TXNL4A: variants seen among roughly 807,000 people sequenced by gnomAD.
The protein encoded by TXNL4A is thioredoxin-like protein 4A.
TXNL4A carries 17 observed loss-of-function variants against 14.6 expected under a neutral mutation model. That is an observed-to-expected ratio of 1.16 (90% CI 0.80 to 1.74). TXNL4A has a LOEUF of 1.74. Among genes scored for constraint, TXNL4A ranks in the 40% most tolerant of loss-of-function variants. TXNL4A has a pLI of 0.00. For synonymous variants in TXNL4A, 83 were observed against 70.6 expected (o/e 1.18, Z -0.88); for missense variants, 74 against 195.2 (o/e 0.38, Z 3.70).
chr18:80,012,900 G>A (rs992108970), intron 1 of TXNL4A, among the ~76,000 whole-genome samples: 5 of 151,396 alleles, frequency 3.3e-5, no homozygotes, highest in Non-Finnish European at 7.4e-5. Context: ...GGGTGAGGCC[G>A]GAAAGGCGGC....
At chr18:80,032,122 A>G (rs1669970267) in intron 1 of TXNL4A, among the ~76,000 whole-genome samples, 1 of 151,954 alleles carries the variant, frequency 6.6e-6, no homozygotes, top group South Asian at 2.1e-4. Context: ...GTCCCTATAC[A>G]TTTTTCTTTT....
chr18:80,015,558 G>A (rs1165969946), intron 1 of TXNL4A, among the ~76,000 whole-genome samples: 3 of 148,968 alleles, frequency 2.0e-5, no homozygotes, highest in Non-Finnish European at 4.4e-5. Context: ...TCCCCTTCCT[G>A]TGTCCATGTG....
intron 1 of TXNL4A, among the ~76,000 whole-genome samples, chr18:80,027,303 A>G (rs953162840): frequency 1.3e-5 from 2 of 152,170 alleles, no homozygotes; most frequent in African/African-American, 4.8e-5. Flanking sequence ...CAACAGCCCC[A>G]TATTCCCTGT....
At chr18:79,977,769 T>C in intron 1 of TXNL4A, 68 bp from the exon 2 acceptor site, 1 of 1,086,576 alleles carries the variant, frequency 9.2e-7, no homozygotes, top group Non-Finnish European at 1.4e-6. Context: ...TAGAAGCACA[T>C]TTATAAAAAC....
At chr18:80,006,759 C>T (rs1225211628) in intron 1 of TXNL4A, among the ~76,000 whole-genome samples, 1 of 152,000 alleles carries the variant, frequency 6.6e-6, no homozygotes, top group East Asian at 1.9e-4. Context: ...AGAGGATTTC[C>T]CCCTTTGCAA....
In TXNL4A at chr18:80,020,864, T is replaced by A. The variant is rs1054295358; in HGVS notation, c.-61+12987A>T. 5.3e-5 allele frequency among the ~76,000 whole-genome samples: 8 copies of A among 150,208 alleles called. No homozygotes were observed. In the East Asian group the frequency reaches 1.2e-3, roughly 22 times the overall value. On this transcript the variant is annotated intron_variant, in intron 1 of 2. Coordinates refer to the TXNL4A transcript ENST00000585474. Reference sequence around the variant, plus strand: ...AGAAATGGGGAAATAGTCTTAATTATCTTCTCACCTAATGTTTTGGTTCTT... The same window carrying A: ...AGAAATGGGGAAATAGTCTTAATTAACTTCTCACCTAATGTTTTGGTTCTT...
intron 2 of TXNL4A, among the ~76,000 whole-genome samples, chr18:79,974,872 C>T (rs1392618579): frequency 6.6e-6 from 1 of 152,194 alleles, no homozygotes; most frequent in African/African-American, 2.4e-5. Flanking sequence ...GGCTGGGCTG[C>T]AGGCATACCC....
intron 1 of TXNL4A, among the ~76,000 whole-genome samples, chr18:79,980,389 C>T (rs1370290680): frequency 6.6e-6 from 1 of 152,212 alleles, no homozygotes; most frequent in Non-Finnish European, 1.5e-5. Flanking sequence ...AAAACTAAAT[C>T]TTTACAACCT....
At chr18:80,010,413 C>CTA (rs2051762145) in intron 1 of TXNL4A, among the ~76,000 whole-genome samples, 2 of 152,276 alleles carry the variant, frequency 1.3e-5, no homozygotes, top group South Asian at 4.1e-4. Flanking sequence ...AGCGATGATT[C>CTA]ACAGAGGCTG....
chr18:80,012,536 T>C (rs2051776762), intron 1 of TXNL4A, among the ~76,000 whole-genome samples: 1 of 152,060 alleles, frequency 6.6e-6, no homozygotes, highest in Non-Finnish European at 1.5e-5. Context: ...GAAGGGATGG[T>C]TTTATGTTGT....
chr18:80,025,140 A>C (rs1025006758), intron 1 of TXNL4A, among the ~76,000 whole-genome samples: 1 of 152,224 alleles, frequency 6.6e-6, no homozygotes, highest in African/African-American at 2.4e-5. Context: ...AACCAGGATA[A>C]AAAATGCAGG....
At chr18:80,032,292 G>C (rs1384476484) in intron 1 of TXNL4A, among the ~76,000 whole-genome samples, 1 of 152,088 alleles carries the variant, frequency 6.6e-6, no homozygotes, top group African/African-American at 2.4e-5. Context: ...AGCAACCTGA[G>C]GCCAGGAACC....
chr18:79,973,526 T>G lies in TXNL4A; in HGVS notation c.*159A>C. ...AAGTAGGCCTGCTCCTCTCACCACGTGCTTGTTTATTTCGGTGAGTTAAGA... is the reference window on the plus strand; with the variant it reads ...AAGTAGGCCTGCTCCTCTCACCACGGGCTTGTTTATTTCGGTGAGTTAAGA... On this transcript the variant is annotated 3_prime_UTR_variant, in exon 3 of 3. Coordinates refer to ENST00000269601, the MANE Select transcript of TXNL4A (RefSeq NM_006701.5). 1 of 833,312 alleles carries G rather than the reference T, an allele frequency of 1.2e-6. No individual in the cohort carries two copies. 51.6% of individuals were successfully genotyped at this position (833,312 alleles called of 1,614,324 possible).
chr18:80,001,776 T>C (rs1386526320), intron 1 of TXNL4A, among the ~76,000 whole-genome samples: 2 of 152,202 alleles, frequency 1.3e-5, no homozygotes, highest in Non-Finnish European at 2.9e-5. Flanking sequence ...TATACCCCCA[T>C]TGTATCTAGG....
intron 1 of TXNL4A, among the ~76,000 whole-genome samples, chr18:79,994,249 A>G (rs1447578734): frequency 6.6e-6 from 1 of 152,194 alleles, no homozygotes; most frequent in Non-Finnish European, 1.5e-5. Flanking sequence ...TGCCCAATTT[A>G]GTGTACCCGC....
upstream of TXNL4A, among the ~76,000 whole-genome samples, chr18:79,992,179 A>G (rs893095293): frequency 6.6e-5 from 10 of 152,226 alleles, no homozygotes; most frequent in Non-Finnish European, 1.0e-4. Context: ...AAGGGACCCA[A>G]GATACTTTCC....
intron 1 of TXNL4A, among the ~76,000 whole-genome samples, chr18:79,984,547 C>A (rs373365902): frequency 6.6e-6 from 1 of 152,194 alleles, no homozygotes; most frequent in Non-Finnish European, 1.5e-5. Flanking sequence ...CTGGACAACA[C>A]AAGAAGACTC....
intron 1 of TXNL4A, 132 bp downstream of exon 1, chr18:79,988,108 G>A (rs1372949008): frequency 8.9e-7 from 1 of 1,125,040 alleles, no homozygotes; most frequent in Non-Finnish European, 1.2e-6. Context: ...GCGAGGGGAG[G>A]AATCGCCTGA....
intron 1 of TXNL4A, among the ~76,000 whole-genome samples, chr18:80,000,571 G>C (rs978393953): frequency 6.6e-6 from 1 of 152,224 alleles, no homozygotes. Flanking sequence ...CGATGAGATA[G>C]AAAAGGAAAA....
Sources: gnomAD v4.1 joint callset for allele counts (sites outside exome capture counted in the v4.1 genomes callset) on GRCh38, gnomAD v4.1.1 for gene constraint, MANE v1.5 for transcripts, NCBI Gene and HGNC (gene_info 2026-07-23, HGNC 2026-07-21) for gene names.